Variants in DACH1 observed in about 807,000 individuals in gnomAD.
The protein encoded by DACH1 is dachshund homolog 1.
In DACH1, 12 loss-of-function variants were observed where a neutral mutation model predicts 54.2. The ratio of observed to expected loss-of-function variants is 0.22; its 90% CI spans 0.14 to 0.36. DACH1 has a LOEUF of 0.36. DACH1 is among the 10% of genes least tolerant of loss of function. DACH1 has a pLI of 1.00. For missense variants in DACH1, 805 were observed against 929.8 expected, an observed-to-expected ratio of 0.87 and a Z score of 1.75; for synonymous variants, 386 against 366.2, an observed-to-expected ratio of 1.05 and a Z score of -0.62.
intron 10 of DACH1, among the ~76,000 whole-genome samples, chr13:71,448,904 A>G (rs574869528): frequency 5.4e-4 from 82 of 151,682 alleles, no homozygotes; most frequent in Non-Finnish European, 1.1e-3. Flanking sequence ...ACTAGACATC[A>G]TATTAGACCT....
intron 2 of DACH1, among the ~76,000 whole-genome samples, chr13:71,665,268 C>G (rs1044349413): frequency 2.6e-5 from 4 of 151,690 alleles, no homozygotes; most frequent in African/African-American, 9.7e-5. Context: ...AAAGTAATAG[C>G]TAAGTTAGAA....
intron 1 of DACH1, among the ~76,000 whole-genome samples, chr13:71,799,198 AGT>A (rs1225412950): frequency 6.6e-6 from 1 of 152,172 alleles, no homozygotes; most frequent in Non-Finnish European, 1.5e-5. Context: ...ATTCATATAC[AGT>A]AAAGGAGATC....
At chr13:71,651,216 T>A (rs558211862) in intron 2 of DACH1, among the ~76,000 whole-genome samples, 1 of 151,920 alleles carries the variant, frequency 6.6e-6, no homozygotes, top group South Asian at 2.1e-4. Context: ...CAAAAGTGCA[T>A]GAGGGCAGGG....
chr13:71,864,214 C>CA (rs1555330492), intron 1 of DACH1, among the ~76,000 whole-genome samples: 7,448 of 113,130 alleles, frequency 0.066, 272 homozygotes, highest in African/African-American at 0.1. Flanking sequence ...CACACACACA[C>CA]AACATTTACC....
chr13:71,866,848 A>C lies in DACH1; in HGVS notation c.-79T>G. On this transcript the variant is annotated 5_prime_UTR_variant, in exon 1 of 11. Coordinates refer to ENST00000613252, the MANE Select transcript of DACH1 (RefSeq NM_080759.6). ...ACACCCCCGGGAGGGGAAGGGGAAA[A>C]AAGGGGGGAGAAGGAGCGAGGGGGG... The C allele has an allele frequency of 1.1e-5, 12 of 1,072,884 alleles. No individual in the cohort carries two copies. Among genetic ancestry groups the C allele is most frequent in the Non-Finnish European group, 1.0e-5 (9 of 868,144 alleles). The allele number at this position is 1,072,884 out of a possible 1,614,324, so 66.5% of individuals were successfully genotyped here. A position where few individuals can be genotyped will look rare whatever the true frequency, so the allele number is the denominator to read the frequency against.
At chr13:71,655,521 C>T (rs2138636220) in intron 2 of DACH1, among the ~76,000 whole-genome samples, 1 of 151,804 alleles carries the variant, frequency 6.6e-6, no homozygotes, top group East Asian at 1.9e-4. Flanking sequence ...CAGGTGCCCG[C>T]CACCATGCCC....
chr13:71,793,986 T>C (rs562690190), intron 1 of DACH1, among the ~76,000 whole-genome samples: 1 of 152,274 alleles, frequency 6.6e-6, no homozygotes, highest in South Asian at 2.1e-4. Context: ...TTTTTCAATA[T>C]GTTTTGAGAC....
At chr13:71,454,186 T>C (rs1205269908) in intron 10 of DACH1, among the ~76,000 whole-genome samples, 2 of 152,144 alleles carry the variant, frequency 1.3e-5, no homozygotes, top group Non-Finnish European at 2.9e-5. Flanking sequence ...AGGGATGATG[T>C]TACTTTCAAA....
chr13:71,857,810 CAT>C (rs1478986996), intron 1 of DACH1, among the ~76,000 whole-genome samples: 1 of 151,574 alleles, frequency 6.6e-6, no homozygotes, highest in Non-Finnish European at 1.5e-5. Context: ...AAATTTGAAA[CAT>C]AAAATAGAAA....
intron 6 of DACH1, among the ~76,000 whole-genome samples, chr13:71,551,172 A>G (rs1883791254): frequency 6.6e-6 from 1 of 152,054 alleles, no homozygotes; most frequent in Non-Finnish European, 1.5e-5. Flanking sequence ...TTATAATTTA[A>G]TTTTTTATTG....
intron 3 of DACH1, among the ~76,000 whole-genome samples, chr13:71,590,800 A>G (rs1873644756): frequency 6.6e-6 from 1 of 150,650 alleles, no homozygotes; most frequent in South Asian, 2.1e-4. Context: ...TGAGAGCATC[A>G]TATTGCTTAA....
rs148387442 is a variant in DACH1, at chr13:71,723,472, G to C, written c.849-41562C>G. ...GTTAACATGGTTCCCCAAATATTTG[G>C]CATTATGTTTTAAGATATTTTATAA... On this transcript the variant is annotated intron_variant, in intron 1 of 10. Transcript: ENST00000613252. Among the ~76,000 whole-genome samples, 5 of 152,078 alleles carry C rather than the reference G, an allele frequency of 3.3e-5. No homozygotes were observed. The East Asian group carries it at 5.8e-4, about 18-fold the overall frequency.
At chr13:71,838,597 T>C (rs540121899) in intron 1 of DACH1, among the ~76,000 whole-genome samples, 1 of 152,334 alleles carries the variant, frequency 6.6e-6, no homozygotes, top group East Asian at 1.9e-4. Context: ...CATGATTGTT[T>C]ATAAGCCATC....
intron 6 of DACH1, among the ~76,000 whole-genome samples, chr13:71,492,899 G>T (rs1276201162): frequency 6.6e-6 from 1 of 151,898 alleles, no homozygotes; most frequent in African/African-American, 2.4e-5. Flanking sequence ...AAATCAGCAA[G>T]AATAACATAT....
intron 3 of DACH1, among the ~76,000 whole-genome samples, chr13:71,624,445 C>A (rs1311715082): frequency 6.6e-6 from 1 of 151,916 alleles, no homozygotes; most frequent in Non-Finnish European, 1.5e-5. Context: ...TAAAATATTT[C>A]TCATTTCATG....
At chr13:71,564,990 C>T (rs932775503) in intron 4 of DACH1, among the ~76,000 whole-genome samples, 12 of 151,982 alleles carry the variant, frequency 7.9e-5, no homozygotes, top group Non-Finnish European at 4.4e-5. Context: ...GGCACAATCT[C>T]GGCTCACTGC....
intron 6 of DACH1, among the ~76,000 whole-genome samples, chr13:71,515,884 A>G (rs1433906945): frequency 2.0e-5 from 3 of 151,886 alleles, no homozygotes; most frequent in African/African-American, 7.2e-5. Flanking sequence ...CAGGGTAACA[A>G]TCTGCACAAT....
chr13:71,503,652 A>T (rs906216833), intron 6 of DACH1, among the ~76,000 whole-genome samples: 3 of 152,368 alleles, frequency 2.0e-5, no homozygotes, highest in Admixed American at 1.3e-4. Context: ...ATAACATTAT[A>T]GTAAGATTTG....
At position 71,648,050 on chromosome 13, in the gene DACH1, C is replaced by T. The variant is rs182846354; in HGVS notation, c.965-17333G>A. ...TATTTAGAGTTACCAGGAACAGAAACATGAAATAGCACCCAATTGCTTTGA... is the reference window on the plus strand; with the variant it reads ...TATTTAGAGTTACCAGGAACAGAAATATGAAATAGCACCCAATTGCTTTGA... On this transcript the variant is annotated intron_variant, in intron 2 of 10. Transcript: ENST00000613252. 4.1e-3 allele frequency among the ~76,000 whole-genome samples: 627 copies of T among 152,280 alleles called. 4 individuals are homozygous for T. The highest frequency in any genetic ancestry group is 7.0e-3 in the Non-Finnish European group (474 of 68,010).
Sources: allele counts gnomAD v4.1 joint callset (sites outside exome capture counted in the v4.1 genomes callset), GRCh38; gene constraint gnomAD v4.1.1; transcripts MANE v1.5; gene names NCBI Gene and HGNC (gene_info 2026-07-23, HGNC 2026-07-21).